Variants in PDE10A observed in about 807,000 individuals in gnomAD.
The protein encoded by PDE10A is phosphodiesterase 10A.
Under a neutral mutation model 97.7 loss-of-function variants are expected in PDE10A, and 39 were observed. That is an observed-to-expected ratio of 0.40 (90% CI 0.31 to 0.52). The LOEUF (loss-of-function observed/expected upper bound fraction) is 0.52. Among genes scored for constraint, PDE10A ranks in the 20% least tolerant of loss-of-function variants. The pLI is 0.56. For missense variants in PDE10A, 731 were observed against 1,047.8 expected, an observed-to-expected ratio of 0.70 and a Z score of 4.17; for synonymous variants, 371 against 376.8, an observed-to-expected ratio of 0.98 and a Z score of 0.18.
At chr6:165,765,934 A>G (rs1449893733) in intron 1 of PDE10A, among the ~76,000 whole-genome samples, 1 of 152,212 alleles carries the variant, frequency 6.6e-6, no homozygotes, top group Admixed American at 6.5e-5. Context: ...CTGGTTGAAA[A>G]CTTTCCATTT....
At chr6:165,941,837 G>A (rs1783533626) in intron 1 of PDE10A, among the ~76,000 whole-genome samples, 1 of 152,060 alleles carries the variant, frequency 6.6e-6, no homozygotes, top group African/African-American at 2.4e-5. Context: ...TATAACAATG[G>A]AAGAGTGGCC....
chr6:165,741,269 C>A (rs897434347), intron 1 of PDE10A, among the ~76,000 whole-genome samples: 11 of 151,940 alleles, frequency 7.2e-5, no homozygotes, highest in Non-Finnish European at 2.9e-5. Context: ...ATTAATTATG[C>A]CTCATAATTG....
At position 165,816,938 on chromosome 6, in the gene PDE10A, G is replaced by T. The variant is rs141031149; in HGVS notation, c.-615+170591C>A. ...GGGTGCGGCACACTTAAGAGCAGGA[G>T]TGGCTGGGAGAAGCAATGGGGCCAT... On this transcript the variant is annotated intron_variant, in intron 1 of 19. Transcript: ENST00000366882. 6.4e-3 allele frequency among the ~76,000 whole-genome samples: 979 copies of T among 152,324 alleles called. 21 individuals are homozygous for T. Among genetic ancestry groups the T allele is most frequent in the East Asian group, 0.012 (63 of 5,170 alleles).
intron 2 of PDE10A, among the ~76,000 whole-genome samples, chr6:165,519,259 T>C (rs1345305752): frequency 6.6e-6 from 1 of 151,966 alleles, no homozygotes; most frequent in East Asian, 1.9e-4. Context: ...AGAGGAAGAA[T>C]AAACAGACCC....
chr6:165,357,348 T>G (rs1347159322), intron 18 of PDE10A, among the ~76,000 whole-genome samples: 1 of 152,182 alleles, frequency 6.6e-6, no homozygotes, highest in Non-Finnish European at 1.5e-5. Flanking sequence ...AATACTGAAC[T>G]TGAATTTACT....
At chr6:165,512,897 T>C (rs1315742672) in intron 2 of PDE10A, among the ~76,000 whole-genome samples, 1 of 152,038 alleles carries the variant, frequency 6.6e-6, no homozygotes, top group Non-Finnish European at 1.5e-5. Context: ...TAGTATCTCA[T>C]TGCATTTCCA....
chr6:165,783,187 C>T (rs112593705), intron 1 of PDE10A, among the ~76,000 whole-genome samples: 95 of 152,334 alleles, frequency 6.2e-4, no homozygotes, highest in Non-Finnish European at 1.2e-3. Flanking sequence ...AAGCCCCTTA[C>T]TAGTGGCTGC....
At chr6:165,933,553 T>C (rs1347982177) in intron 1 of PDE10A, among the ~76,000 whole-genome samples, 2 of 152,186 alleles carry the variant, frequency 1.3e-5, no homozygotes, top group African/African-American at 2.4e-5. Flanking sequence ...TTTACATAAA[T>C]TTATACAAAT....
Position 165,712,502 on chromosome 6 carries a change from T to C in PDE10A, c.-614-168934A>G, listed in dbSNP as rs147957622. Among the ~76,000 whole-genome samples, 374 of 152,294 alleles carry C rather than the reference T, an allele frequency of 2.5e-3. 2 individuals carry two copies. Among genetic ancestry groups the C allele is most frequent in the African/African-American group, 8.6e-3 (358 of 41,546 alleles). On this transcript the variant is annotated intron_variant, in intron 1 of 19. Coordinates refer to the PDE10A transcript ENST00000366882. The stretch of plus-strand genomic sequence containing the variant: ...GCCCCTGGCATCTTCCATTAAGAAC[T>C]TGTTGGTTGTGAAACACCAAAGCGG...
intron 1 of PDE10A, among the ~76,000 whole-genome samples, chr6:165,799,047 G>A (rs1157001164): frequency 1.3e-5 from 2 of 152,284 alleles, no homozygotes; most frequent in East Asian, 1.9e-4. Flanking sequence ...AAATGAAGAT[G>A]CGATTATTAA....
intron 2 of PDE10A, among the ~76,000 whole-genome samples, chr6:165,537,652 A>G (rs922137823): frequency 1.3e-5 from 2 of 152,038 alleles, no homozygotes; most frequent in Non-Finnish European, 2.9e-5. Flanking sequence ...GAATATGCCA[A>G]ATAACTCTTT....
intron 10 of PDE10A, among the ~76,000 whole-genome samples, chr6:165,426,069 C>T (rs995127520): frequency 1.3e-5 from 2 of 151,978 alleles, no homozygotes; most frequent in African/African-American, 4.8e-5. Flanking sequence ...AAATACCTCA[C>T]GTTCGTGTAT....
intron 1 of PDE10A, among the ~76,000 whole-genome samples, chr6:165,873,748 A>G (rs1444852642): frequency 6.6e-6 from 1 of 152,238 alleles, no homozygotes; most frequent in African/African-American, 2.4e-5. Context: ...TTTAATTTGA[A>G]TAAAAAAATA....
At chr6:165,520,077 A>G (rs1782043595) in intron 2 of PDE10A, among the ~76,000 whole-genome samples, 1 of 152,200 alleles carries the variant, frequency 6.6e-6, no homozygotes, top group Non-Finnish European at 1.5e-5. Flanking sequence ...TTCAAGTTTT[A>G]AAATTCTGTT....
At chr6:165,350,615 G>A (rs976060905) in intron 18 of PDE10A, among the ~76,000 whole-genome samples, 1 of 152,132 alleles carries the variant, frequency 6.6e-6, no homozygotes, top group Non-Finnish European at 1.5e-5. Flanking sequence ...AGGGGGCAGG[G>A]GCAGAATGAT....
At chr6:165,918,045 CA>C in intron 1 of PDE10A, among the ~76,000 whole-genome samples, 1 of 152,286 alleles carries the variant, frequency 6.6e-6, no homozygotes, top group South Asian at 2.1e-4. Flanking sequence ...TTCTGTAACT[CA>C]ACAATTCCAG....
intron 1 of PDE10A, among the ~76,000 whole-genome samples, chr6:165,590,421 T>C (rs756874215): frequency 6.6e-6 from 1 of 152,188 alleles, no homozygotes; most frequent in Non-Finnish European, 1.5e-5. Flanking sequence ...TAGAAATACA[T>C]ACTGAATCAA....
At chr6:165,875,682 C>T (rs1418542445) in intron 1 of PDE10A, among the ~76,000 whole-genome samples, 4 of 148,174 alleles carry the variant, frequency 2.7e-5, no homozygotes, top group African/African-American at 5.0e-5. Flanking sequence ...AAAACATTCA[C>T]AGTGATATTT....
intron 10 of PDE10A, among the ~76,000 whole-genome samples, chr6:165,421,526 G>C (rs1177302523): frequency 6.6e-6 from 1 of 151,644 alleles, no homozygotes; most frequent in Non-Finnish European, 1.5e-5. Flanking sequence ...TATAGAAAAC[G>C]TAATAATGTT....
Sources: gnomAD v4.1 joint callset for allele counts (sites outside exome capture counted in the v4.1 genomes callset) on GRCh38, gnomAD v4.1.1 for gene constraint, MANE v1.5 for transcripts, NCBI Gene and HGNC (gene_info 2026-07-23, HGNC 2026-07-21) for gene names.